The following STK32C variants were observed in gnomAD, a reference collection of about 807,000 sequenced individuals.
The protein encoded by STK32C is serine/threonine-protein kinase 32C.
A neutral mutation model predicts 56.5 loss-of-function variants in STK32C; 31 were observed. That is an observed-to-expected ratio of 0.55 (90% CI 0.41 to 0.74). The LOEUF is 0.74. Ranked by LOEUF, STK32C falls within the 30% of genes least tolerant of loss-of-function variation. The probability of loss-of-function intolerance (pLI) is 0.00; values close to 1 mark genes in which losing one functional copy is unlikely to be tolerated. For synonymous variants in STK32C, 309 were observed against 289.4 expected, an observed-to-expected ratio of 1.07 and a Z score of -0.69; for missense variants, 544 against 676.9, an observed-to-expected ratio of 0.80 and a Z score of 2.18.
At chr10:132,329,343 G>A (rs2066584356) in intron 1 of STK32C, among the ~76,000 whole-genome samples, 1 of 151,790 alleles carries the variant, frequency 6.6e-6, no homozygotes, top group Admixed American at 6.6e-5. Context: ...GAATCTGGGA[G>A]GCAAAGGCTA....
rs1369956669 is a variant in STK32C at position 132,224,534 on chromosome 10, G to A, written c.877-11C>T. 1 of 1,585,390 alleles carries A rather than the reference G, an allele frequency of 6.3e-7. No individual in the cohort carries two copies. Among genetic ancestry groups the A allele is most frequent in the Non-Finnish European group, 8.6e-7 (1 of 1,165,340 alleles). On this transcript the variant is annotated splice_polypyrimidine_tract_variant and intron_variant, in intron 7 of 11. Coordinates refer to ENST00000298630, the MANE Select transcript of STK32C (RefSeq NM_173575.4). The stretch of plus-strand genomic sequence containing the variant: ...GATGTCATAGGGCCTCTGGAGACAG[G>A]GAGGCAGTGCTGGGCAGGTCCTCCT...
At chr10:132,218,842 A>C (rs571443786) in intron 10 of STK32C, among the ~76,000 whole-genome samples, 23 of 152,328 alleles carry the variant, frequency 1.5e-4, no homozygotes, top group African/African-American at 5.5e-4. Context: ...AGGAAAGGTG[A>C]TACATATGTG....
chr10:132,264,949 A>C (rs991994857), intron 1 of STK32C, among the ~76,000 whole-genome samples: 1 of 152,272 alleles, frequency 6.6e-6, no homozygotes, highest in Non-Finnish European at 1.5e-5. Context: ...CTCATCCATC[A>C]TACCCGTATT....
chr10:132,217,134 G>A lies in STK32C; in HGVS notation c.1251+5507C>T, dbSNP rs189323066. Among the ~76,000 whole-genome samples the A allele has an allele frequency of 3.6e-3, 555 of 152,330 alleles. 4 individuals are homozygous for A. Among genetic ancestry groups the A allele is most frequent in the African/African-American group, 0.012 (497 of 41,570 alleles). ...TCAATGCCAGCCCACGAAAGCAGCC[G>A]GGAGGAAGGCTGTACTCTGCAGAGC... On this transcript the variant is annotated intron_variant, in intron 10 of 11. Coordinates refer to ENST00000298630, the MANE Select transcript of STK32C (RefSeq NM_173575.4).
rs758458873 is a variant in STK32C at position 132,228,148 on chromosome 10, T to C, written c.319-20A>G. The stretch of plus-strand genomic sequence containing the variant: ...GCACACCTGGAGGGCACAGGGCTGT[T>C]CGGCAGGACGCCTGAGGACGCCTGG... On this transcript the variant is annotated intron_variant, in intron 2 of 11. Coordinates refer to ENST00000298630, the MANE Select transcript of STK32C (RefSeq NM_173575.4). The C allele has an allele frequency of 6.2e-7, 1 of 1,613,828 alleles. No homozygotes were observed. Among genetic ancestry groups the C allele is most frequent in the South Asian group, 1.1e-5 (1 of 91,088 alleles).
intron 3 of STK32C, 90 bp downstream of exon 3, chr10:132,227,887 C>G: frequency 1.3e-6 from 2 of 1,515,004 alleles, no homozygotes; most frequent in Non-Finnish European, 1.8e-6. Flanking sequence ...GCACGAGGGC[C>G]AAGGAGCACC....
rs775708059 is a variant in STK32C at position 132,226,884 on chromosome 10, G to A, written c.555C>T (p.Asn185=). The change falls in exon 4 of 12, where the codon AAC becomes AAT. Residue 185 remains asparagine (N), a synonymous_variant. Coordinates refer to ENST00000298630, the MANE Select transcript of STK32C (RefSeq NM_173575.4). ...TCACCGTGTCCTCGGAGAACTGCAC[G>A]TTCTGCTGCAGGTGGTAGCGCAGGT... The part of the protein sequence containing the change: ...GGDLRYHLQQ[N]VQFSEDTVRL... 3.6e-5 allele frequency: 58 copies of A among 1,613,374 alleles called. No individual in the cohort carries two copies. The highest frequency in any genetic ancestry group is 3.3e-4 in the South Asian group (30 of 91,094).
intron 1 of STK32C, among the ~76,000 whole-genome samples, chr10:132,248,391 A>G (rs112586505): frequency 5.9e-5 from 9 of 152,282 alleles, no homozygotes; most frequent in African/African-American, 2.2e-4. Context: ...TGGGGAGGGG[A>G]CAGGGTGTCA....
In STK32C at chr10:132,230,721, C is replaced by T. The variant is rs1033903727; in HGVS notation, c.319-2593G>A. On this transcript the variant is annotated intron_variant, in intron 2 of 11. Coordinates refer to ENST00000298630, the MANE Select transcript of STK32C (RefSeq NM_173575.4). ...CAGAGCCCACCTCTGCCTGGAGCGG[C>T]GCCAGCACCCGCAGCCCAAGGCCGT... Among the ~76,000 whole-genome samples the T allele has an allele frequency of 3.5e-5, 5 of 141,868 alleles. No homozygotes were observed. The South Asian group carries it at 6.9e-4, about 20-fold the overall frequency. 93.1% of individuals were successfully genotyped at this position (141,868 alleles called of 152,430 possible). A position where few individuals can be genotyped will look rare whatever the true frequency, so the allele number is the denominator to read the frequency against.
In STK32C at chr10:132,263,824, C is replaced by T. The variant is rs1021976607; in HGVS notation, c.263-17869G>A. Among the ~76,000 whole-genome samples the T allele has an allele frequency of 6.8e-5, 10 of 146,242 alleles. No homozygotes were observed. In the Admixed American group the frequency reaches 7.1e-4, roughly 10 times the overall value. On this transcript the variant is annotated intron_variant, in intron 1 of 11. Coordinates refer to ENST00000298630, the MANE Select transcript of STK32C (RefSeq NM_173575.4). The stretch of plus-strand genomic sequence containing the variant: ...GAGGCTGCCGTGAGCTGAGATTGTG[C>T]CACTGCACTCCAGCCTGGATGACAG...
chr10:132,234,032 G>GTC (rs2063189908), intron 2 of STK32C, among the ~76,000 whole-genome samples: 1 of 152,214 alleles, frequency 6.6e-6, no homozygotes, highest in South Asian at 2.1e-4. Context: ...TTCCGATGAG[G>GTC]TCTGGGATTC....
intron 1 of STK32C, among the ~76,000 whole-genome samples, chr10:132,304,849 T>C (rs2066010029): frequency 6.6e-6 from 1 of 152,220 alleles, no homozygotes; most frequent in Admixed American, 6.5e-5. Flanking sequence ...CACTCCAGCC[T>C]TCCCCAGATG....
chr10:132,209,826 A>G (rs2062233284), intron 10 of STK32C, among the ~76,000 whole-genome samples: 1 of 152,162 alleles, frequency 6.6e-6, no homozygotes, highest in African/African-American at 2.4e-5. Context: ...GTCACAGTGA[A>G]AAGTGCAGGG....
intron 1 of STK32C, among the ~76,000 whole-genome samples, chr10:132,298,397 A>G (rs11146320): frequency 0.44 from 66,411 of 152,178 alleles, 16,408 homozygotes; most frequent in African/African-American, 0.66. Context: ...CAGTGGGGCG[A>G]AGAAGCCGAG....
upstream of STK32C, chr10:132,307,989 G>A: frequency 1.0e-6 from 1 of 990,574 alleles, no homozygotes; most frequent in Non-Finnish European, 1.2e-6. The surrounding 1 kb of genome is among the most constrained non-coding windows in gnomAD (Gnocchi z 4.4). Flanking sequence ...GAGCGCTGGG[G>A]GCGGGGCAGG....
chr10:132,223,667 C>T (rs2062766366), intron 8 of STK32C, among the ~76,000 whole-genome samples: 1 of 152,184 alleles, frequency 6.6e-6, no homozygotes, highest in Non-Finnish European at 1.5e-5. Flanking sequence ...CAAGGCCTCC[C>T]CAAGGATTTA....
At chr10:132,231,734 G>A (rs1021270944) in intron 2 of STK32C, among the ~76,000 whole-genome samples, 9 of 152,362 alleles carry the variant, frequency 5.9e-5, no homozygotes, top group Admixed American at 2.6e-4. Flanking sequence ...GAAAAGAGAA[G>A]ATGACGCAGG....
chr10:132,230,823 C>A (rs2063075841), intron 2 of STK32C, among the ~76,000 whole-genome samples: 1 of 152,142 alleles, frequency 6.6e-6, no homozygotes, highest in Non-Finnish European at 1.5e-5. Flanking sequence ...GGCGACCCAA[C>A]CCTCTCCAGG....
chr10:132,257,070 C>T (rs976431689), intron 1 of STK32C, among the ~76,000 whole-genome samples: 13 of 152,174 alleles, frequency 8.5e-5, no homozygotes, highest in Non-Finnish European at 5.9e-5. Context: ...GCCCTGTGTC[C>T]TGGGGTGTGG....
Sources: gnomAD v4.1 joint callset for allele counts (sites outside exome capture counted in the v4.1 genomes callset) on GRCh38, gnomAD v4.1.1 for gene constraint, Gnocchi (gnomAD v3.1) non-coding constraint, MANE v1.5 for transcripts, NCBI Gene and HGNC (gene_info 2026-07-23, HGNC 2026-07-21) for gene names.